Variants in AFG1L observed in about 807,000 individuals in gnomAD.
AFG1L encodes the protein AFG1 like ATPase, also known as AFG1-like ATPase.
AFG1L carries 53 observed loss-of-function variants against 62.2 expected under a neutral mutation model. The observed-to-expected ratio is 0.85, with a 90% CI of 0.68 to 1.07. The LOEUF (loss-of-function observed/expected upper bound fraction) is 1.07. AFG1L is among the 50% of genes least tolerant of loss of function. The pLI is 0.00. For synonymous variants in AFG1L, 228 were observed against 210.3 expected (o/e 1.08, Z -0.73); for missense variants, 555 against 590.5 (o/e 0.94, Z 0.62).
intron 6 of AFG1L, among the ~76,000 whole-genome samples, chr6:108,392,412 G>C (rs562258411): frequency 2.5e-4 from 38 of 152,194 alleles, no homozygotes; most frequent in African/African-American, 7.7e-4. Context: ...GTTTAGACTT[G>C]GGTCTTACTT....
At chr6:108,482,379 A>ATTTTG (rs1446472262) in intron 10 of AFG1L, among the ~76,000 whole-genome samples, 5 of 152,172 alleles carry the variant, frequency 3.3e-5, no homozygotes, top group African/African-American at 9.6e-5. Flanking sequence ...TCTATTTTTT[A>ATTTTG]GAACAGTTTT....
chr6:108,380,266 G>A (rs912933148), intron 6 of AFG1L, among the ~76,000 whole-genome samples: 3 of 152,036 alleles, frequency 2.0e-5, no homozygotes, highest in Admixed American at 6.5e-5. Flanking sequence ...TCGCAGCACC[G>A]CAATCTGTGT....
At chr6:108,471,611 C>CA (rs1772901291) in intron 8 of AFG1L, among the ~76,000 whole-genome samples, 1 of 151,874 alleles carries the variant, frequency 6.6e-6, no homozygotes, top group Non-Finnish European at 1.5e-5. Context: ...CAGGTCCCGC[C>CA]ACCATGCCCT....
chr6:108,483,966 A>G (rs548654257), intron 10 of AFG1L, among the ~76,000 whole-genome samples: 1 of 152,178 alleles, frequency 6.6e-6, no homozygotes, highest in East Asian at 1.9e-4. Flanking sequence ...TTTATGCTTT[A>G]TTTAGCTTTA....
intron 7 of AFG1L, among the ~76,000 whole-genome samples, chr6:108,430,436 G>A (rs2114710791): frequency 6.6e-6 from 1 of 152,284 alleles, no homozygotes; most frequent in South Asian, 2.1e-4. Flanking sequence ...GGTGGTGGAA[G>A]TTTTGAACTT....
intron 7 of AFG1L, among the ~76,000 whole-genome samples, chr6:108,407,785 A>G (rs1781923854): frequency 6.6e-6 from 1 of 151,158 alleles, no homozygotes; most frequent in Non-Finnish European, 1.5e-5. Context: ...CCTTCTTTCT[A>G]CTTTTCAGGG....
chr6:108,489,135 CAGTT>C (rs955525843), intron 10 of AFG1L, among the ~76,000 whole-genome samples: 1 of 152,182 alleles, frequency 6.6e-6, no homozygotes, highest in Non-Finnish European at 1.5e-5. Context: ...GGGCAGATCA[CAGTT>C]AGTCTTATAC....
At chr6:108,328,589 G>T (rs1290381435) in intron 2 of AFG1L, among the ~76,000 whole-genome samples, 1 of 151,420 alleles carries the variant, frequency 6.6e-6, no homozygotes, top group Non-Finnish European at 1.5e-5. Context: ...TTTTAATAGA[G>T]ATGGGGTTTT....
intron 7 of AFG1L, among the ~76,000 whole-genome samples, chr6:108,432,368 T>G (rs762517199): frequency 2.6e-5 from 4 of 152,188 alleles, no homozygotes; most frequent in African/African-American, 4.8e-5. Context: ...CTTCCTTAGC[T>G]TTACCAGTCC....
At chr6:108,472,790 TTTTTCTTTTC>T (rs575800567) in intron 8 of AFG1L, among the ~76,000 whole-genome samples, 9 of 149,194 alleles carry the variant, frequency 6.0e-5, no homozygotes, top group African/African-American at 1.5e-4. Context: ...CCCTCCTTTC[TTTTTCTTTTC>T]TTTTCTTTTC....
intron 12 of AFG1L, chr6:108,522,028 T>G (rs1775144725): frequency 4.0e-6 from 1 of 251,614 alleles, no homozygotes; most frequent in African/African-American, 2.3e-5. Context: ...CTGGTTTTTT[T>G]TTTGCCATTA....
At chr6:108,399,174 GTTTGTTTTTTTTT>G (rs1781445473) in intron 6 of AFG1L, among the ~76,000 whole-genome samples, 1 of 51,414 alleles carries the variant, frequency 1.9e-5, no homozygotes, top group Admixed American at 2.2e-4. Context: ...CACTTCTTTT[GTTTGTTTTTTTTT>G]TTTTTTTTTT....
intron 7 of AFG1L, among the ~76,000 whole-genome samples, chr6:108,434,385 C>G (rs1247970032): frequency 1.3e-5 from 2 of 152,208 alleles, no homozygotes. Context: ...TGCTCTTACT[C>G]CAGTTCTTTG....
intron 3 of AFG1L, among the ~76,000 whole-genome samples, chr6:108,349,801 C>T (rs1222211074): frequency 6.6e-6 from 1 of 151,998 alleles, no homozygotes; most frequent in Non-Finnish European, 1.5e-5. Flanking sequence ...CCTGTGGTTC[C>T]AGCTACTCAG....
chr6:108,423,751 A>G lies in AFG1L; in HGVS notation c.807+21697A>G, dbSNP rs76878060. Among the ~76,000 whole-genome samples the G allele has an allele frequency of 7.8e-3, 1,191 of 152,248 alleles. 7 individuals are homozygous for G. Among genetic ancestry groups the G allele is most frequent in the Non-Finnish European group, 0.013 (908 of 67,976 alleles). Reference sequence around the variant, plus strand: ...TTAGAATACATAAAAGGACTTATTAATGTGTAATCAGAATATACTCATCAG... The same window carrying G: ...TTAGAATACATAAAAGGACTTATTAGTGTGTAATCAGAATATACTCATCAG... On this transcript the variant is annotated intron_variant, in intron 7 of 12. Coordinates refer to ENST00000368977, the MANE Select transcript of AFG1L (RefSeq NM_145315.5).
intron 1 of AFG1L, among the ~76,000 whole-genome samples, chr6:108,308,116 C>A (rs1324814950): frequency 6.6e-6 from 1 of 152,090 alleles, no homozygotes; most frequent in Non-Finnish European, 1.5e-5. Flanking sequence ...TCATTTATCT[C>A]TTATCTTATA....
chr6:108,408,461 T>C (rs1781961787), intron 7 of AFG1L, among the ~76,000 whole-genome samples: 1 of 152,240 alleles, frequency 6.6e-6, no homozygotes, highest in Non-Finnish European at 1.5e-5. Flanking sequence ...TTCTTTTGCA[T>C]AGCATTTTCC....
At chr6:108,497,541 T>C (rs752161376) in intron 10 of AFG1L, among the ~76,000 whole-genome samples, 28 of 152,048 alleles carry the variant, frequency 1.8e-4, no homozygotes, top group Non-Finnish European at 3.4e-4. Context: ...TTGTATTTGA[T>C]TGGGTCCATG....
intron 10 of AFG1L, 98 bp downstream of exon 10, chr6:108,477,390 A>G: frequency 3.2e-6 from 2 of 626,536 alleles, no homozygotes; most frequent in Non-Finnish European, 2.6e-6. Flanking sequence ...AATACCATTC[A>G]CAGAGTCAGA....
Sources: gnomAD v4.1 joint callset for allele counts (sites outside exome capture counted in the v4.1 genomes callset) on GRCh38, gnomAD v4.1.1 for gene constraint, MANE v1.5 for transcripts, NCBI Gene and HGNC (gene_info 2026-07-23, HGNC 2026-07-21) for gene names.